SEPTIN9: variants seen among roughly 807,000 people sequenced by gnomAD.
SEPTIN9 encodes septin-9.
SEPTIN9 carries 13 observed loss-of-function variants against 56.6 expected under a neutral mutation model. The observed-to-expected ratio is 0.23, with a 90% CI of 0.15 to 0.37. SEPTIN9 has a LOEUF of 0.37. Among genes scored for constraint, SEPTIN9 ranks in the 10% least tolerant of loss-of-function variants. The pLI is 1.00. For synonymous variants in SEPTIN9, 332 were observed against 334.1 expected, an observed-to-expected ratio of 0.99 and a Z score of 0.07; for missense variants, 650 against 823.1, an observed-to-expected ratio of 0.79 and a Z score of 2.57.
rs2035921604 is a variant in SEPTIN9 at position 77,402,174 on chromosome 17, G to A, written c.192G>A (p.Gln64=). 1.2e-6 allele frequency: 2 copies of A among 1,613,712 alleles called. No homozygotes were observed. Among genetic ancestry groups the A allele is most frequent in the African/African-American group, 2.7e-5 (2 of 74,902 alleles). ...TGGCCAGCTCCACCCAGAAATTCCAGGACCTGGGCGTGAAGAACTCAGAAC... is the reference window on the plus strand; with the variant it reads ...TGGCCAGCTCCACCCAGAAATTCCAAGACCTGGGCGTGAAGAACTCAGAAC... ...ATVASSTQKF[Q]DLGVKNSEPS... Residue 64 remains glutamine, a synonymous_variant, in exon 3 of 12, where the codon CAG becomes CAA. Coordinates refer to ENST00000427177, the MANE Select transcript of SEPTIN9 (RefSeq NM_001113491.2). This position sits in a 1 kb window ranked among gnomAD's most constrained non-coding sequence, Gnocchi z 6.6.
In SEPTIN9 at chr17:77,327,107, A is replaced by T. The variant is rs2033167679; in HGVS notation, c.76+19910A>T. Reference sequence around the variant, plus strand: ...AAAAAGAATAAACCATAGCTGCTGTAGCAAGTTAATCCTACCAGCACTGGC... The same window carrying T: ...AAAAAGAATAAACCATAGCTGCTGTTGCAAGTTAATCCTACCAGCACTGGC... On this transcript the variant is annotated intron_variant, in intron 2 of 11. Coordinates refer to ENST00000427177, the MANE Select transcript of SEPTIN9 (RefSeq NM_001113491.2). The surrounding 1 kb of genome is among the most constrained non-coding windows in gnomAD (Gnocchi z 5.0). 6.6e-6 allele frequency among the ~76,000 whole-genome samples: 1 copy of T among 151,486 alleles called. No homozygotes were observed. Among genetic ancestry groups the T allele is most frequent in the Non-Finnish European group, 1.5e-5 (1 of 67,916 alleles).
intron 3 of SEPTIN9, among the ~76,000 whole-genome samples, chr17:77,465,913 G>A (rs2038697988): frequency 6.6e-6 from 1 of 152,030 alleles, no homozygotes; most frequent in South Asian, 2.1e-4. Context: ...TTTTCTGAGA[G>A]GATTCTTCCC....
chr17:77,377,784 C>T (rs1202579521), intron 2 of SEPTIN9, among the ~76,000 whole-genome samples: 1 of 152,252 alleles, frequency 6.6e-6, no homozygotes, highest in Non-Finnish European at 1.5e-5. Flanking sequence ...GTAATAGGTG[C>T]AGACCTGTCC....
chr17:77,464,302 C>T (rs2038610491), intron 3 of SEPTIN9, among the ~76,000 whole-genome samples: 1 of 152,044 alleles, frequency 6.6e-6, no homozygotes, highest in Non-Finnish European at 1.5e-5. Context: ...AGTCTCGAAC[C>T]CCTGACCTCA....
chr17:77,398,824 C>T (rs762868332), intron 2 of SEPTIN9, among the ~76,000 whole-genome samples: 4 of 152,142 alleles, frequency 2.6e-5, no homozygotes, highest in Non-Finnish European at 4.4e-5. Flanking sequence ...TGGAACAGCC[C>T]CTGCTGTCTC....
intron 2 of SEPTIN9, among the ~76,000 whole-genome samples, chr17:77,393,158 G>A (rs772660086): frequency 6.6e-6 from 1 of 152,132 alleles, no homozygotes; most frequent in South Asian, 2.1e-4. Flanking sequence ...GGCCAGGCAG[G>A]GAATCCAGCC....
intron 6 of SEPTIN9, among the ~76,000 whole-genome samples, 152 bp from the exon 7 acceptor site, chr17:77,488,575 A>G (rs1004654559): frequency 2.2e-4 from 34 of 152,250 alleles, no homozygotes; most frequent in African/African-American, 7.9e-4. Flanking sequence ...GGCCGAGGGT[A>G]AGGCTGTGGC....
chr17:77,447,771 C>T (rs1015080775), intron 3 of SEPTIN9, among the ~76,000 whole-genome samples: 4 of 152,218 alleles, frequency 2.6e-5, no homozygotes, highest in African/African-American at 9.7e-5. Flanking sequence ...ACTACAGGCA[C>T]ACACTACCAC....
chr17:77,474,917 A>C (rs2039146586), intron 3 of SEPTIN9, among the ~76,000 whole-genome samples: 1 of 152,018 alleles, frequency 6.6e-6, no homozygotes. Context: ...CTATAATCCC[A>C]GCACTTTGGG....
chr17:77,429,477 A>G lies in SEPTIN9; in HGVS notation c.721+26774A>G. The G allele has an allele frequency of 2.2e-5, 8 of 372,010 alleles. No individual in the cohort carries two copies. The highest frequency in any genetic ancestry group is 3.9e-5 in the Non-Finnish European group (7 of 179,346). 23.0% of individuals were successfully genotyped at this position (372,010 alleles called of 1,614,324 possible). A position where few individuals can be genotyped will look rare whatever the true frequency, so the allele number is the denominator to read the frequency against. ...GTTGTGGGGATGTTGGCAGAGAATC[A>G]GAGAGGGCATCCAAAAAGGCCAACA... On this transcript the variant is annotated intron_variant, in intron 3 of 11. Transcript: ENST00000427177. This position sits in a 1 kb window ranked among gnomAD's most constrained non-coding sequence, Gnocchi z 5.2.
At chr17:77,320,047 T>C in intron 2 of SEPTIN9, 1 of 1,383,314 alleles carries the variant, frequency 7.2e-7, no homozygotes, top group Non-Finnish European at 9.4e-7. Context: ...CCTCCTATTT[T>C]TGGATTTCTC....
chr17:77,337,984 G>T (rs903346100), intron 2 of SEPTIN9, among the ~76,000 whole-genome samples: 1 of 152,146 alleles, frequency 6.6e-6, no homozygotes, highest in African/African-American at 2.4e-5. Context: ...ATCATTTGAG[G>T]TTAGGAGTTT....
chr17:77,475,993 C>A lies in SEPTIN9; in HGVS notation c.722-6151C>A. 1 of 1,388,354 alleles carries A rather than the reference C, an allele frequency of 7.2e-7. No individual in the cohort carries two copies. Among genetic ancestry groups the A allele is most frequent in the Non-Finnish European group, 9.9e-7 (1 of 1,006,650 alleles). The allele number at this position is 1,388,354 out of a possible 1,614,324, so 86.0% of individuals were successfully genotyped here. A position where few individuals can be genotyped will look rare whatever the true frequency, so the allele number is the denominator to read the frequency against. On this transcript the variant is annotated intron_variant, in intron 3 of 11. Coordinates refer to ENST00000427177, the MANE Select transcript of SEPTIN9 (RefSeq NM_001113491.2). This position sits in a 1 kb window ranked among gnomAD's most constrained non-coding sequence, Gnocchi z 4.6. ...AGACAGGGGAATGGCATTGACTTGACCCTGAGCACTTTGTCCTGGGGTGCA... is the reference window on the plus strand; with the variant it reads ...AGACAGGGGAATGGCATTGACTTGAACCTGAGCACTTTGTCCTGGGGTGCA...
intron 3 of SEPTIN9, among the ~76,000 whole-genome samples, chr17:77,406,673 T>G (rs969807910): frequency 2.6e-5 from 4 of 151,790 alleles, no homozygotes; most frequent in African/African-American, 7.3e-5. Flanking sequence ...TGTTTTTTTT[T>G]TGTTTTTTGT....
intron 3 of SEPTIN9, among the ~76,000 whole-genome samples, chr17:77,415,456 A>G (rs933594693): frequency 1.3e-5 from 2 of 151,968 alleles, no homozygotes; most frequent in African/African-American, 4.8e-5. Flanking sequence ...AAAATATAAA[A>G]ATTAGCTGGG....
At chr17:77,360,144 C>G (rs1361382860) in intron 2 of SEPTIN9, among the ~76,000 whole-genome samples, 1 of 117,740 alleles carries the variant, frequency 8.5e-6, no homozygotes, top group Non-Finnish European at 1.8e-5. Flanking sequence ...AGAAAAAAAG[C>G]AAAACTCTGT....
rs1177988959 is a variant in SEPTIN9 at position 77,402,441 on chromosome 17, C to A, written c.459C>A (p.Thr153=). The A allele has an allele frequency of 1.9e-6, 3 of 1,610,414 alleles. No homozygotes were observed. The highest frequency in any genetic ancestry group is 2.2e-5 in the East Asian group (1 of 44,732). The change falls in exon 3 of 12, where the codon ACC becomes ACA. Residue 153 remains threonine, a synonymous_variant. Coordinates refer to ENST00000427177, the MANE Select transcript of SEPTIN9 (RefSeq NM_001113491.2). This position sits in a 1 kb window ranked among gnomAD's most constrained non-coding sequence, Gnocchi z 6.6. ...CGGCCCCTCGGAGGACGGAGATCAC[C>A]ATCGTCAAACCCCAGGAGTCAGCCC... ...PEPAPRRTEI[T]IVKPQESAHR...
Position 77,402,296 on chromosome 17 carries a change from C to T in SEPTIN9, c.314C>T (p.Ser105Phe). ...GGCCCCAAGGCGGCCGAGCCGGTGT[C>T]CCGGCGCACTGAGCTGTCCATTGAC... ...LSGPKAAEPV[S>F]RRTELSIDIS... The change falls in exon 3 of 12, where the codon TCC (serine) becomes TTC (phenylalanine). Residue 105 changes from serine (S) to phenylalanine (F), a missense_variant. By Grantham distance (155) the Ser-to-Phe change is radical. Transcript: ENST00000427177. The surrounding 1 kb of genome is among the most constrained non-coding windows in gnomAD (Gnocchi z 6.6). The T allele has an allele frequency of 6.2e-7, 1 of 1,612,724 alleles. No homozygotes were observed. The highest frequency in any genetic ancestry group is 1.6e-4 in the Middle Eastern group (1 of 6,062).
intron 3 of SEPTIN9, among the ~76,000 whole-genome samples, chr17:77,406,654 T>G (rs1235224676): frequency 6.7e-6 from 1 of 150,332 alleles, no homozygotes; most frequent in Non-Finnish European, 1.5e-5. Flanking sequence ...TTGTCTTTGT[T>G]TTTTTTTGTG....
Sources: gnomAD v4.1 joint callset for allele counts (sites outside exome capture counted in the v4.1 genomes callset) on GRCh38, gnomAD v4.1.1 for gene constraint, Gnocchi (gnomAD v3.1) non-coding constraint, MANE v1.5 for transcripts, NCBI Gene and HGNC (gene_info 2026-07-23, HGNC 2026-07-21) for gene names.